The following XPR1 variants were observed in gnomAD, a reference collection of about 807,000 sequenced individuals.
XPR1 encodes the protein solute carrier family 53 member 1.
Under a neutral mutation model 87.5 loss-of-function variants are expected in XPR1, and 28 were observed. The observed-to-expected ratio is 0.32, with a 90% CI of 0.24 to 0.44. The LOEUF (loss-of-function observed/expected upper bound fraction) is 0.44. Ranked by LOEUF, XPR1 falls within the 20% of genes least tolerant of loss-of-function variation. The pLI is 1.00. For synonymous variants in XPR1, 300 were observed against 306.1 expected (o/e 0.98, Z 0.21); for missense variants, 559 against 862.3 (o/e 0.65, Z 4.41).
intron 11 of XPR1, among the ~76,000 whole-genome samples, chr1:180,849,556 A>C: frequency 6.6e-6 from 1 of 152,226 alleles, no homozygotes; most frequent in Non-Finnish European, 1.5e-5. Context: ...CATTAAGTGC[A>C]TGCAAACAAC....
intron 1 of XPR1, among the ~76,000 whole-genome samples, chr1:180,643,343 C>T (rs1205374034): frequency 6.6e-6 from 1 of 151,916 alleles, no homozygotes; most frequent in Non-Finnish European, 1.5e-5. Context: ...AATGCTATGC[C>T]ATAGTTTAAT....
intron 2 of XPR1, among the ~76,000 whole-genome samples, chr1:180,729,521 GC>G (rs1658481379): frequency 6.6e-6 from 1 of 152,148 alleles, no homozygotes; most frequent in Non-Finnish European, 1.5e-5. Context: ...ATTCCCACCA[GC>G]AGTTTATGTG....
At chr1:180,883,888 A>C in intron 14 of XPR1, 118 bp from the exon 15 acceptor site, 1 of 805,428 alleles carries the variant, frequency 1.2e-6, no homozygotes, top group South Asian at 1.8e-5. Flanking sequence ...TACAGCAGAT[A>C]GTCCCTGTTT....
At chr1:180,828,290 AAAC>A (rs1650934883) in intron 9 of XPR1, among the ~76,000 whole-genome samples, 1 of 152,180 alleles carries the variant, frequency 6.6e-6, no homozygotes, top group Non-Finnish European at 1.5e-5. Context: ...ATGCTCCTAA[AAAC>A]AAAGCTAAAA....
chr1:180,711,861 A>G (rs1199843617), intron 2 of XPR1, among the ~76,000 whole-genome samples: 2 of 152,154 alleles, frequency 1.3e-5, no homozygotes, highest in Non-Finnish European at 2.9e-5. Context: ...GTCTGTGTCC[A>G]TTTTGAGTTA....
intron 2 of XPR1, among the ~76,000 whole-genome samples, chr1:180,713,524 A>T (rs749945563): frequency 1.3e-5 from 2 of 152,114 alleles, no homozygotes; most frequent in Non-Finnish European, 1.5e-5. Flanking sequence ...CTCTAATGCA[A>T]TGTTGGGTAG....
chr1:180,881,256 T>C (rs1239762509), intron 14 of XPR1, among the ~76,000 whole-genome samples: 1 of 152,024 alleles, frequency 6.6e-6, no homozygotes, highest in Non-Finnish European at 1.5e-5. Context: ...CTGCACCTCC[T>C]GGGTTCACGC....
chr1:180,783,916 A>G (rs1649037934), intron 2 of XPR1, among the ~76,000 whole-genome samples: 1 of 151,868 alleles, frequency 6.6e-6, no homozygotes, highest in South Asian at 2.1e-4. Flanking sequence ...TTAGCGGGGC[A>G]TGATGGCAGG....
chr1:180,657,016 T>G (rs1317515397), intron 1 of XPR1, among the ~76,000 whole-genome samples: 1 of 152,110 alleles, frequency 6.6e-6, no homozygotes, highest in Non-Finnish European at 1.5e-5. Flanking sequence ...TGCCTGTTTT[T>G]GGATATAATT....
chr1:180,800,837 C>G (rs1649753875), intron 3 of XPR1, among the ~76,000 whole-genome samples: 1 of 152,170 alleles, frequency 6.6e-6, no homozygotes, highest in South Asian at 2.1e-4. Context: ...GAAAGCAAGG[C>G]CAGCTTCCAC....
chr1:180,637,655 G>T (rs1654828744), intron 1 of XPR1, among the ~76,000 whole-genome samples: 1 of 152,166 alleles, frequency 6.6e-6, no homozygotes, highest in South Asian at 2.1e-4. Flanking sequence ...CCAGGTTCAA[G>T]CCATTCTTGT....
intron 2 of XPR1, among the ~76,000 whole-genome samples, chr1:180,699,040 A>C (rs550133642): frequency 1.9e-4 from 29 of 152,244 alleles, no homozygotes; most frequent in African/African-American, 7.0e-4. Context: ...CTGGATCTGG[A>C]TAACCAAATC....
At chr1:180,833,504 C>CA (rs150551585) in intron 9 of XPR1, among the ~76,000 whole-genome samples, 49,329 of 147,686 alleles carry the variant, frequency 0.33, 8,442 homozygotes, top group Non-Finnish European at 0.38. Flanking sequence ...AAATGTAAAG[C>CA]AAAAAAAAAC....
At chr1:180,697,943 A>G (rs891368612) in intron 2 of XPR1, among the ~76,000 whole-genome samples, 5 of 152,144 alleles carry the variant, frequency 3.3e-5, no homozygotes, top group Admixed American at 6.5e-5. Flanking sequence ...GAAATGTTCT[A>G]TAAGTGTCTG....
intron 11 of XPR1, among the ~76,000 whole-genome samples, chr1:180,858,478 A>G (rs1652107714): frequency 1.3e-5 from 2 of 152,202 alleles, no homozygotes; most frequent in African/African-American, 4.8e-5. Context: ...TGGTTTTATG[A>G]AACTACTTTT....
At chr1:180,747,287 G>T (rs865853900) in intron 2 of XPR1, among the ~76,000 whole-genome samples, 1 of 152,128 alleles carries the variant, frequency 6.6e-6, no homozygotes, top group Non-Finnish European at 1.5e-5. Flanking sequence ...TAACTAGCTT[G>T]TATCTTTTAT....
chr1:180,806,901 A>G (rs1038728123), intron 6 of XPR1, among the ~76,000 whole-genome samples: 9 of 151,266 alleles, frequency 5.9e-5, no homozygotes, highest in Non-Finnish European at 1.0e-4. Context: ...CATTTATTAA[A>G]TGATATCTAC....
chr1:180,873,776 A>C (rs774829778), intron 12 of XPR1, 27 bp from the exon 13 acceptor site: 1 of 1,609,032 alleles, frequency 6.2e-7, no homozygotes, highest in Admixed American at 1.7e-5. Flanking sequence ...GATAGAAAAC[A>C]TACTCAATTT....
At position 180,635,234 on chromosome 1, in the gene XPR1, A is replaced by G. The variant is rs554958814; in HGVS notation, c.69+2964A>G. Among the ~76,000 whole-genome samples the G allele has an allele frequency of 7.9e-5, 12 of 152,338 alleles. No homozygotes were observed. In the South Asian group the frequency reaches 2.1e-3, roughly 26 times the overall value. ...TGTAAGTAGTTTGTGCAAAGAATAA[A>G]CACAAACAAGCCGAGACTATTCCTG... On this transcript the variant is annotated intron_variant, in intron 1 of 14. Coordinates refer to ENST00000367590, the MANE Select transcript of XPR1 (RefSeq NM_004736.4).
Sources: allele counts gnomAD v4.1 joint callset (sites outside exome capture counted in the v4.1 genomes callset), GRCh38; gene constraint gnomAD v4.1.1; transcripts MANE v1.5; gene names NCBI Gene and HGNC (gene_info 2026-07-23, HGNC 2026-07-21).